TRHDE: variants seen among roughly 807,000 people sequenced by gnomAD.
TRHDE encodes the protein thyrotropin releasing hormone degrading enzyme.
Under a neutral mutation model 125.7 loss-of-function variants are expected in TRHDE, and 72 were observed. The observed-to-expected ratio is 0.57, with a 90% confidence interval of 0.47 to 0.70. The LOEUF (loss-of-function observed/expected upper bound fraction) is 0.70, where lower values mean the gene tolerates loss of function less well. Among genes scored for constraint, TRHDE ranks in the 30% least tolerant of loss-of-function variants. The probability of loss-of-function intolerance (pLI) is 0.00; values close to 1 mark genes in which losing one functional copy is unlikely to be tolerated. For synonymous variants in TRHDE, 509 were observed against 509.1 expected, an observed-to-expected ratio of 1.00 and a Z score of 0.00; for missense variants, 1,110 against 1,327.1, an observed-to-expected ratio of 0.84 and a Z score of 2.54.
intron 5 of TRHDE, among the ~76,000 whole-genome samples, chr12:72,487,260 T>G (rs1329289155): frequency 2.0e-5 from 3 of 152,118 alleles, no homozygotes; most frequent in Non-Finnish European, 4.4e-5. Flanking sequence ...TTCCTAAGTC[T>G]TGGAAGTGAT....
At chr12:72,550,878 T>C (rs920780439) in intron 7 of TRHDE, among the ~76,000 whole-genome samples, 2 of 151,976 alleles carry the variant, frequency 1.3e-5, no homozygotes, top group Non-Finnish European at 2.9e-5. Context: ...AAAATAAATT[T>C]CTTACTAATT....
rs184924704 is a variant in TRHDE, at chr12:72,168,962, C to T, written n.279+63210C>T. Among the ~76,000 whole-genome samples the T allele has an allele frequency of 5.1e-3, 771 of 152,182 alleles. 2 individuals are homozygous for T. The highest frequency in any genetic ancestry group is 0.031 in the Middle Eastern group (9 of 294). On this transcript the variant is annotated intron_variant and non_coding_transcript_variant, in intron 2 of 4. Coordinates refer to the TRHDE transcript ENST00000548156. ...TTTAATAAGTTATTACATAAAAAAT[C>T]CTGAACTGATTTATTTTAAAGTTAT...
At chr12:72,518,451 G>T (rs988742709) in intron 6 of TRHDE, among the ~76,000 whole-genome samples, 7 of 152,010 alleles carry the variant, frequency 4.6e-5, no homozygotes, top group Non-Finnish European at 8.8e-5. Flanking sequence ...TGTTTTATCA[G>T]AGACTAGGAT....
intron 6 of TRHDE, among the ~76,000 whole-genome samples, chr12:72,523,763 T>G (rs73346591): frequency 0.012 from 1,886 of 152,280 alleles, 35 homozygotes; most frequent in African/African-American, 0.043. Context: ...TTTGCTTGTC[T>G]TGACATAAAA....
intron 2 of TRHDE, among the ~76,000 whole-genome samples, chr12:72,131,892 G>C (rs1032509144): frequency 1.1e-4 from 16 of 152,298 alleles, no homozygotes; most frequent in Admixed American, 3.3e-4. Flanking sequence ...CCCCTACAAG[G>C]AGGCAAGGCA....
intron 15 of TRHDE, among the ~76,000 whole-genome samples, chr12:72,622,129 A>C (rs1036701658): frequency 2.6e-4 from 40 of 152,222 alleles, no homozygotes; most frequent in African/African-American, 9.4e-4. Context: ...TTACCAGCAT[A>C]TGTCATAAAC....
intron 12 of TRHDE, among the ~76,000 whole-genome samples, chr12:72,601,296 A>C (rs1485889938): frequency 6.6e-6 from 1 of 152,168 alleles, no homozygotes; most frequent in Non-Finnish European, 1.5e-5. Flanking sequence ...CTCAATTGCT[A>C]CAATCTCAGG....
At chr12:72,441,182 T>C (rs1874992457) in intron 3 of TRHDE, among the ~76,000 whole-genome samples, 1 of 151,932 alleles carries the variant, frequency 6.6e-6, no homozygotes, top group South Asian at 2.1e-4. Flanking sequence ...AGTGGCTATG[T>C]TGTAACAGGC....
At chr12:72,658,644 T>C (rs996029645) in intron 18 of TRHDE, among the ~76,000 whole-genome samples, 1 of 152,218 alleles carries the variant, frequency 6.6e-6, no homozygotes, top group Non-Finnish European at 1.5e-5. Flanking sequence ...GTCTTACATA[T>C]TTCACTGATT....
At chr12:72,161,839 T>C (rs1876644667) in intron 2 of TRHDE, among the ~76,000 whole-genome samples, 1 of 152,232 alleles carries the variant, frequency 6.6e-6, no homozygotes, top group African/African-American at 2.4e-5. Context: ...CTAACAGATA[T>C]GTTTATTTGA....
chr12:72,400,254 A>G (rs1437873095), intron 3 of TRHDE, among the ~76,000 whole-genome samples: 1 of 152,122 alleles, frequency 6.6e-6, no homozygotes, highest in Non-Finnish European at 1.5e-5. Flanking sequence ...TATTTTATAC[A>G]GTGTTCAAGT....
At chr12:72,608,070 G>A (rs1197808711) in intron 12 of TRHDE, among the ~76,000 whole-genome samples, 1 of 152,100 alleles carries the variant, frequency 6.6e-6, no homozygotes, top group Non-Finnish European at 1.5e-5. Flanking sequence ...AACTAGAGCT[G>A]TACTTGGTTT....
intron 7 of TRHDE, among the ~76,000 whole-genome samples, chr12:72,558,182 C>G (rs1873348): frequency 0.27 from 40,553 of 151,980 alleles, 8,184 homozygotes; most frequent in African/African-American, 0.54. Context: ...AACTAATAAA[C>G]AGGCACCTAT....
In TRHDE at chr12:72,621,123, C is replaced by T. The variant is rs779369571; in HGVS notation, c.2485C>T (p.Gln829Ter). The stretch of plus-strand genomic sequence containing the variant: ...CCCCATTTAGGAATATATTTTAAAG[C>T]AAGTTGCAACAACATATATCAAGCT... ...YNIFNEYILK[Q>*]VATTYIKLGW... Residue 829 changes from glutamine to a stop codon, truncating the protein, a stop_gained, in exon 14 of 19, where the codon CAA becomes TAA. Coordinates refer to ENST00000261180, the MANE Select transcript of TRHDE (RefSeq NM_013381.3). LOFTEE classifies it high-confidence loss of function. The T allele has an allele frequency of 6.2e-7, 1 of 1,607,486 alleles. No homozygotes were observed. The highest frequency in any genetic ancestry group is 8.5e-7 in the Non-Finnish European group (1 of 1,174,952).
chr12:72,494,564 C>T (rs1050952569), intron 5 of TRHDE, among the ~76,000 whole-genome samples: 2 of 151,900 alleles, frequency 1.3e-5, no homozygotes, highest in East Asian at 3.9e-4. Flanking sequence ...AGTCAGTCTT[C>T]CTAGGGGAAC....
intron 3 of TRHDE, among the ~76,000 whole-genome samples, chr12:72,468,015 A>G (rs1021796261): frequency 1.3e-5 from 2 of 152,256 alleles, no homozygotes; most frequent in African/African-American, 4.8e-5. Flanking sequence ...AAATATTATT[A>G]TTAAAAACAT....
chr12:72,352,434 G>C (rs892956971), intron 2 of TRHDE, among the ~76,000 whole-genome samples: 1 of 151,682 alleles, frequency 6.6e-6, no homozygotes, highest in Admixed American at 6.6e-5. Flanking sequence ...CATCTGAGTG[G>C]TATATGGAAA....
chr12:72,523,995 G>A (rs1868291465), intron 6 of TRHDE, among the ~76,000 whole-genome samples: 1 of 152,100 alleles, frequency 6.6e-6, no homozygotes, highest in Non-Finnish European at 1.5e-5. Flanking sequence ...CCTCACTGAT[G>A]GACTTCTAGA....
At chr12:72,327,758 GA>G (rs201336694) in intron 2 of TRHDE, among the ~76,000 whole-genome samples, 3,741 of 151,476 alleles carry the variant, frequency 0.025, 140 homozygotes, top group African/African-American at 0.086. Context: ...AATTTTAAAA[GA>G]AAAAAAGATG....
Sources: allele counts gnomAD v4.1 joint callset (sites outside exome capture counted in the v4.1 genomes callset), GRCh38; gene constraint gnomAD v4.1.1; transcripts MANE v1.5; gene names NCBI Gene and HGNC (gene_info 2026-07-23, HGNC 2026-07-21).